The following ELSPBP1 variants were observed in gnomAD, a reference collection of about 807,000 sequenced individuals.
The protein encoded by ELSPBP1 is epididymal sperm binding protein 1.
A neutral mutation model predicts 33.3 loss-of-function variants in ELSPBP1; 38 were observed. The observed-to-expected ratio is 1.14, with a 90% CI of 0.88 to 1.50. ELSPBP1 has a LOEUF of 1.50. Ranked by LOEUF, ELSPBP1 falls within the 40% of genes most tolerant of loss-of-function variation. ELSPBP1 has a pLI of 0.00. For missense variants in ELSPBP1, 267 were observed against 263.5 expected (o/e 1.01, Z -0.09); for synonymous variants, 85 against 94.1 (o/e 0.90, Z 0.56).
At chr19:48,012,755 T>C (rs187732061) in intron 2 of ELSPBP1, among the ~76,000 whole-genome samples, 1 of 152,362 alleles carries the variant, frequency 6.6e-6, no homozygotes, top group East Asian at 1.9e-4. Flanking sequence ...CCACCAGTAC[T>C]ATTATTTACT....
At chr19:47,999,771 C>T (rs973564655) in intron 1 of ELSPBP1, among the ~76,000 whole-genome samples, 3 of 151,850 alleles carry the variant, frequency 2.0e-5, no homozygotes, top group Admixed American at 1.3e-4. Flanking sequence ...TCCAGTCTAC[C>T]GACAACTCCA....
At chr19:47,996,256 A>C (rs1489585327) in intron 1 of ELSPBP1, among the ~76,000 whole-genome samples, 1 of 152,094 alleles carries the variant, frequency 6.6e-6, no homozygotes, top group Non-Finnish European at 1.5e-5. Context: ...TGGATGAATA[A>C]ACTGAAGGAT....
chr19:48,006,638 A>G lies in ELSPBP1; in HGVS notation c.-17-2013A>G, dbSNP rs796752745. Among the ~76,000 whole-genome samples, 306 of 92,162 alleles carry G rather than the reference A, an allele frequency of 3.3e-3. 4 individuals carry two copies. The highest frequency in any genetic ancestry group is 8.3e-3 in the African/African-American group (231 of 27,808). The allele number at this position is 92,162 out of a possible 152,430, so 60.5% of individuals were successfully genotyped here. ...CCCTGTCTCAAAAAAAAAAAAAAAA[A>G]AAAAAAAAAGAAAAGAAAAAGAAAA... is the stretch of plus-strand genomic sequence containing the variant. On this transcript the variant is annotated intron_variant, in intron 1 of 6. Transcript: ENST00000339841.
At chr19:47,994,897 T>C (rs898547464) in intron 1 of ELSPBP1, 86 bp downstream of exon 1, 1 of 152,208 alleles carries the variant, frequency 6.6e-6, no homozygotes, top group African/African-American at 2.4e-5. Flanking sequence ...TAGAGCATCA[T>C]GGTGCACTAG....
chr19:48,008,105 T>C (rs1967040231), intron 1 of ELSPBP1, among the ~76,000 whole-genome samples: 1 of 152,172 alleles, frequency 6.6e-6, no homozygotes, highest in South Asian at 2.1e-4. Flanking sequence ...TAGTGCCTGC[T>C]ACACACCTGG....
intron 1 of ELSPBP1, among the ~76,000 whole-genome samples, chr19:48,007,321 C>T (rs559349925): frequency 2.6e-5 from 4 of 152,260 alleles, no homozygotes; most frequent in South Asian, 4.2e-4. Context: ...AGATACATCA[C>T]GTACCAGCTG....
Position 48,022,313 on chromosome 19 carries a change from T to C in ELSPBP1, c.658T>C (p.Trp220Arg). 1 of 1,611,892 alleles carries C rather than the reference T, an allele frequency of 6.2e-7. No homozygotes were observed. Among genetic ancestry groups the C allele is most frequent in the Non-Finnish European group, 8.5e-7 (1 of 1,179,036 alleles). The change falls in exon 6 of 7, where the codon TGG becomes CGG. Residue 220 changes from tryptophan (W) to arginine (R), a missense_variant. Transcript: ENST00000339841. ...TSYNYDQDHT[W>R]VYC Reference sequence around the variant, plus strand: ...TTACAACTACGACCAAGACCACACCTGGGTGTATTGCTGATGCTGAGGTGA... The same window carrying C: ...TTACAACTACGACCAAGACCACACCCGGGTGTATTGCTGATGCTGAGGTGA...
chr19:48,022,583 G>A (rs1967213640), intron 6 of ELSPBP1, among the ~76,000 whole-genome samples: 1 of 152,162 alleles, frequency 6.6e-6, no homozygotes, highest in Non-Finnish European at 1.5e-5. Flanking sequence ...AGATTAGAAG[G>A]ATGAAAGAAA....
rs1408475008 is a variant in ELSPBP1, at chr19:48,011,453, A to G, written c.70+2716A>G. On this transcript the variant is annotated intron_variant, in intron 2 of 6. Coordinates refer to ENST00000339841, the MANE Select transcript of ELSPBP1 (RefSeq NM_022142.5). This position sits in a 1 kb window ranked among gnomAD's most constrained non-coding sequence, Gnocchi z 4.5. ...AATAATGATCACGATGACAGTGATGATGATGACAATGACAATAATGAGGTT... is the reference window on the plus strand; with the variant it reads ...AATAATGATCACGATGACAGTGATGGTGATGACAATGACAATAATGAGGTT... 6.6e-6 allele frequency among the ~76,000 whole-genome samples: 1 copy of G among 151,682 alleles called. No homozygotes were observed. Among genetic ancestry groups the G allele is most frequent in the Admixed American group, 6.6e-5 (1 of 15,216 alleles).
chr19:48,006,621 C>CAAAAAAAAAAAAAA (rs1190341508), intron 1 of ELSPBP1, among the ~76,000 whole-genome samples: 1 of 20,882 alleles, frequency 4.8e-5, no homozygotes, highest in Non-Finnish European at 1.0e-4. Flanking sequence ...GACCCTGTCT[C>CAAAAAAAAAAAAAA]AAAAAAAAAA....
intron 6 of ELSPBP1, among the ~76,000 whole-genome samples, chr19:48,023,702 T>C (rs564278145): frequency 4.0e-4 from 61 of 152,024 alleles, no homozygotes; most frequent in African/African-American, 1.2e-3. Context: ...CATCACTGAG[T>C]AGCTGACCAA....
At chr19:48,002,246 G>A (rs1052964264) in intron 1 of ELSPBP1, among the ~76,000 whole-genome samples, 1 of 152,130 alleles carries the variant, frequency 6.6e-6, no homozygotes. Context: ...AGGTGGTTGG[G>A]CTCCAGGGCA....
At chr19:48,001,632 C>A (rs1469063062) in intron 1 of ELSPBP1, among the ~76,000 whole-genome samples, 1 of 151,534 alleles carries the variant, frequency 6.6e-6, no homozygotes, top group Non-Finnish European at 1.5e-5. Flanking sequence ...AGCCTCAAAA[C>A]CCTGGGTGCA....
At chr19:48,023,878 T>G (rs537350073) in intron 6 of ELSPBP1, among the ~76,000 whole-genome samples, 1 of 151,746 alleles carries the variant, frequency 6.6e-6, no homozygotes, top group Non-Finnish European at 1.5e-5. Flanking sequence ...TTTTATTTAT[T>G]TATTTTTTTT....
Position 48,018,371 on chromosome 19 carries a change from G to A in ELSPBP1, c.356-1348G>A, listed in dbSNP as rs911754393. Among the ~76,000 whole-genome samples the A allele has an allele frequency of 2.0e-5, 3 of 151,886 alleles. No individual in the cohort carries two copies. The South Asian group carries it at 6.2e-4, about 32-fold the overall frequency. On this transcript the variant is annotated intron_variant, in intron 4 of 6. Coordinates refer to ENST00000339841, the MANE Select transcript of ELSPBP1 (RefSeq NM_022142.5). Reference sequence around the variant, plus strand: ...ATGCCATACCAGGTACCCAAGAAATGTGAGCTTTCTTCTGCTATCATCTGA... The same window carrying A: ...ATGCCATACCAGGTACCCAAGAAATATGAGCTTTCTTCTGCTATCATCTGA...
rs1461615697 is a variant in ELSPBP1 at position 48,008,495 on chromosome 19, AAATGCTGGGATTACAGGTGTGAGCTACC to A, written c.-17-154_-17-127del. 7.7e-4 allele frequency among the ~76,000 whole-genome samples: 117 copies of A among 152,300 alleles called. 1 individual carries two copies. The highest frequency in any genetic ancestry group is 2.7e-3 in the African/African-American group (111 of 41,566). ...AGCGATCCTTTGTCTTGGTCTCCCA[AAATGCTGGGATTACAGGTGTGAGCTACC>A]ATGCCTGGTCTATTTTTTAAATTAC... On this transcript the variant is annotated intron_variant, in intron 1 of 6. Transcript: ENST00000339841.
chr19:48,016,459 T>C (rs952130825), intron 4 of ELSPBP1, among the ~76,000 whole-genome samples: 2 of 47,760 alleles, frequency 4.2e-5, no homozygotes. Context: ...CTCTTTCTTT[T>C]CTTTCCTTCT....
chr19:48,013,037 T>C (rs1913916309), intron 2 of ELSPBP1, among the ~76,000 whole-genome samples: 1 of 152,214 alleles, frequency 6.6e-6, no homozygotes, highest in African/African-American at 2.4e-5. Context: ...AGAGATGCAG[T>C]AGAGAAATAC....
intron 1 of ELSPBP1, among the ~76,000 whole-genome samples, chr19:47,995,957 C>T (rs905509179): frequency 6.6e-6 from 1 of 152,174 alleles, no homozygotes; most frequent in African/African-American, 2.4e-5. Context: ...GCTAAGCTGC[C>T]TCTTGGGCAC....
Sources: gnomAD v4.1 joint callset for allele counts (sites outside exome capture counted in the v4.1 genomes callset) on GRCh38, gnomAD v4.1.1 for gene constraint, Gnocchi (gnomAD v3.1) non-coding constraint, MANE v1.5 for transcripts, NCBI Gene and HGNC (gene_info 2026-07-23, HGNC 2026-07-21) for gene names.